CSMD1: variants seen among roughly 807,000 people sequenced by gnomAD.
The protein encoded by CSMD1 is CUB and sushi domain-containing protein 1.
In CSMD1, 213 loss-of-function variants were observed where a neutral mutation model predicts 417.5. The observed-to-expected ratio is 0.51, with a 90% CI of 0.46 to 0.57. The LOEUF is 0.57. Ranked by LOEUF, CSMD1 falls within the 20% of genes least tolerant of loss-of-function variation. The pLI is 0.00. For synonymous variants in CSMD1, 2,862 were observed against 1,736.8 expected, an observed-to-expected ratio of 1.65 and a Z score of -16.11; for missense variants, 6,923 against 4,529.7, an observed-to-expected ratio of 1.53 and a Z score of -15.17.
chr8:4,734,848 C>G (rs1483716402), intron 1 of CSMD1, among the ~76,000 whole-genome samples: 1 of 152,150 alleles, frequency 6.6e-6, no homozygotes, highest in East Asian at 1.9e-4. Context: ...ACTGAACTCT[C>G]CTTGGTGAAG....
intron 3 of CSMD1, among the ~76,000 whole-genome samples, chr8:4,190,935 C>T (rs531297810): frequency 6.7e-6 from 1 of 148,608 alleles, no homozygotes; most frequent in African/African-American, 2.6e-5. Flanking sequence ...ACGACACAAA[C>T]TGCGGCTCAG....
At chr8:4,011,607 G>A (rs907818396) in intron 4 of CSMD1, among the ~76,000 whole-genome samples, 1 of 152,132 alleles carries the variant, frequency 6.6e-6, no homozygotes, top group African/African-American at 2.4e-5. Context: ...AGATCTCAGT[G>A]ACATTTAACA....
At chr8:3,833,067 G>T (rs900953090) in intron 5 of CSMD1, among the ~76,000 whole-genome samples, 3 of 152,094 alleles carry the variant, frequency 2.0e-5, no homozygotes, top group Non-Finnish European at 4.4e-5. Flanking sequence ...GCAGCTGTTT[G>T]AATGTTTCTG....
chr8:3,750,871 T>C (rs1474454308), intron 6 of CSMD1, among the ~76,000 whole-genome samples: 2 of 152,178 alleles, frequency 1.3e-5, no homozygotes, highest in Admixed American at 1.3e-4. Context: ...CTTCCATTCC[T>C]TGGTAACAGT....
At chr8:4,484,793 C>T (rs902293484) in intron 2 of CSMD1, among the ~76,000 whole-genome samples, 2 of 151,680 alleles carry the variant, frequency 1.3e-5, no homozygotes, top group Admixed American at 1.3e-4. Context: ...CACGGTGAAA[C>T]CCCGTCTCTA....
Position 3,223,885 on chromosome 8 carries a change from T to G in CSMD1, c.4346-18A>C. ...ACAAGCAGCTGTCACAGAACAAAAG[T>G]TACAGAGAAAAAGTAAGGACAGCGA... On this transcript the variant is annotated intron_variant, in intron 27 of 69. Coordinates refer to ENST00000635120, the MANE Select transcript of CSMD1 (RefSeq NM_033225.6). The G allele has an allele frequency of 6.2e-7, 1 of 1,612,662 alleles. No individual in the cohort carries two copies. Among genetic ancestry groups the G allele is most frequent in the Non-Finnish European group, 8.5e-7 (1 of 1,179,196 alleles).
chr8:3,911,379 T>C lies in CSMD1; in HGVS notation c.818+86524A>G, dbSNP rs144527556. ...CCATCTCTACTAAAAATACAAAAAA[T>C]TAGCTGGGTATGGTGGCGGGCGCCT... On this transcript the variant is annotated intron_variant, in intron 5 of 69. Transcript: ENST00000635120. 7.5e-3 allele frequency among the ~76,000 whole-genome samples: 1,137 copies of C among 151,806 alleles called. 42 individuals are homozygous for C. Among genetic ancestry groups the C allele is most frequent in the East Asian group, 0.058 (295 of 5,130 alleles).
intron 3 of CSMD1, among the ~76,000 whole-genome samples, chr8:4,041,612 G>A (rs998397467): frequency 6.6e-6 from 1 of 151,912 alleles, no homozygotes; most frequent in Non-Finnish European, 1.5e-5. Context: ...TAATAAGCAC[G>A]CAAAAAAGTA....
chr8:4,313,823 G>A (rs1292605716), intron 3 of CSMD1, among the ~76,000 whole-genome samples: 2 of 151,950 alleles, frequency 1.3e-5, no homozygotes, highest in Non-Finnish European at 2.9e-5. Context: ...AGACTAGCCT[G>A]ACCAATATGG....
At chr8:3,508,494 C>G (rs1432589943) in intron 10 of CSMD1, among the ~76,000 whole-genome samples, 7 of 135,020 alleles carry the variant, frequency 5.2e-5, no homozygotes, top group Admixed American at 8.0e-5. Flanking sequence ...TACCCTAGAA[C>G]TTAAAGTATA....
At chr8:4,943,500 AAAT>A (rs1328915258) in intron 1 of CSMD1, among the ~76,000 whole-genome samples, 5 of 21,892 alleles carry the variant, frequency 2.3e-4, no homozygotes, top group Admixed American at 2.5e-3. Context: ...CGTCTCAAAA[AAAT>A]AAAATGAAAT....
intron 5 of CSMD1, among the ~76,000 whole-genome samples, chr8:3,784,611 G>C (rs1394026515): frequency 6.6e-6 from 1 of 152,088 alleles, no homozygotes; most frequent in East Asian, 1.9e-4. Context: ...CTTTAGCAAA[G>C]AACAGAAAAA....
intron 36 of CSMD1, among the ~76,000 whole-genome samples, chr8:3,184,671 G>A (rs924138052): frequency 2.0e-5 from 3 of 152,122 alleles, no homozygotes; most frequent in African/African-American, 7.2e-5. Context: ...AAAATTTTAG[G>A]TCAACTTCCT....
intron 49 of CSMD1, among the ~76,000 whole-genome samples, chr8:3,054,192 T>C (rs1585237249): frequency 6.6e-6 from 1 of 152,128 alleles, no homozygotes; most frequent in Non-Finnish European, 1.5e-5. Flanking sequence ...TACCAAAATA[T>C]TAAATAAATA....
intron 3 of CSMD1, among the ~76,000 whole-genome samples, chr8:4,066,441 G>C (rs1054441115): frequency 3.9e-5 from 6 of 152,128 alleles, no homozygotes; most frequent in East Asian, 1.9e-4. Context: ...GCACATGCTA[G>C]CTACCCGATA....
intron 5 of CSMD1, among the ~76,000 whole-genome samples, chr8:3,754,626 T>G (rs1273828281): frequency 6.6e-6 from 1 of 152,158 alleles, no homozygotes; most frequent in Non-Finnish European, 1.5e-5. Context: ...GGCTACTTTT[T>G]ATATTTTTAC....
At chr8:4,940,330 G>T (rs1409702672) in intron 1 of CSMD1, among the ~76,000 whole-genome samples, 2 of 152,184 alleles carry the variant, frequency 1.3e-5, no homozygotes, top group African/African-American at 4.8e-5. Flanking sequence ...TTTCTGACGT[G>T]CCCATGTAAT....
At chr8:4,125,300 C>A (rs538531050) in intron 3 of CSMD1, among the ~76,000 whole-genome samples, 5 of 152,342 alleles carry the variant, frequency 3.3e-5, no homozygotes, top group African/African-American at 1.2e-4. Context: ...ATCTGACTGG[C>A]TTCTTTGGAA....
chr8:3,426,605 T>C (rs1262423777), intron 12 of CSMD1, among the ~76,000 whole-genome samples: 4 of 152,222 alleles, frequency 2.6e-5, no homozygotes, highest in Non-Finnish European at 5.9e-5. Flanking sequence ...TTTATGTTTT[T>C]ATTTCTTGAC....
Sources: gnomAD v4.1 joint callset for allele counts (sites outside exome capture counted in the v4.1 genomes callset) on GRCh38, gnomAD v4.1.1 for gene constraint, MANE v1.5 for transcripts, NCBI Gene and HGNC (gene_info 2026-07-23, HGNC 2026-07-21) for gene names.